The following ZBTB16 variants were observed in gnomAD, a reference collection of about 807,000 sequenced individuals.
ZBTB16 encodes the protein zinc finger and BTB domain-containing protein 16.
Under a neutral mutation model 56.8 loss-of-function variants are expected in ZBTB16, and 8 were observed. The ratio of observed to expected loss-of-function variants is 0.14; its 90% confidence interval spans 0.08 to 0.25. The LOEUF is 0.25. Among genes scored for constraint, ZBTB16 ranks in the 10% least tolerant of loss-of-function variants. ZBTB16 has a pLI of 1.00. For missense variants in ZBTB16, 625 were observed against 903.0 expected (o/e 0.69, Z 3.95); for synonymous variants, 363 against 368.5 (o/e 0.98, Z 0.17).
At chr11:114,076,439 T>C (rs1225994370) in intron 2 of ZBTB16, among the ~76,000 whole-genome samples, 3 of 152,254 alleles carry the variant, frequency 2.0e-5, no homozygotes, top group African/African-American at 7.2e-5. Context: ...GGAAAAACTG[T>C]GTACGTCTCA....
chr11:114,109,234 T>C (rs1188397597), intron 2 of ZBTB16, among the ~76,000 whole-genome samples: 1 of 152,250 alleles, frequency 6.6e-6, no homozygotes, highest in African/African-American at 2.4e-5. Flanking sequence ...AATTTTGTCC[T>C]AGCATTATCT....
intron 2 of ZBTB16, among the ~76,000 whole-genome samples, chr11:114,092,940 A>G (rs896805194): frequency 2.0e-5 from 3 of 152,156 alleles, no homozygotes; most frequent in African/African-American, 4.8e-5. Flanking sequence ...GAAATTTTCC[A>G]GAAGAATATT....
intron 2 of ZBTB16, among the ~76,000 whole-genome samples, chr11:114,076,780 T>C (rs1207434258): frequency 1.3e-5 from 2 of 152,166 alleles, no homozygotes; most frequent in East Asian, 3.9e-4. Flanking sequence ...CAGACCTATA[T>C]AGGGCCCATG....
chr11:114,142,771 TG>T (rs1555143004), intron 2 of ZBTB16, among the ~76,000 whole-genome samples: 3 of 150,746 alleles, frequency 2.0e-5, no homozygotes, highest in Non-Finnish European at 4.4e-5. Context: ...GAGGGGGAGC[TG>T]GGGGGATTGT....
At chr11:114,103,010 ATT>A (rs1940668374) in intron 2 of ZBTB16, among the ~76,000 whole-genome samples, 1 of 152,216 alleles carries the variant, frequency 6.6e-6, no homozygotes, top group Non-Finnish European at 1.5e-5. Context: ...TGCTGGGAAC[ATT>A]AAAAGAACCT....
At chr11:114,158,984 T>TATTG (rs1942501235) in intron 3 of ZBTB16, among the ~76,000 whole-genome samples, 2 of 152,246 alleles carry the variant, frequency 1.3e-5, no homozygotes, top group South Asian at 4.1e-4. Context: ...CCCTGGCTCG[T>TATTG]ATTGTATCCC....
chr11:114,063,232 GCCCA>G lies in ZBTB16; in HGVS notation c.-64_-61del. ...CTAGCCTCCTCTATTGGCCCAGGAAGCCCACCCAGCCCCGCCACGCAGAGCCCAG... is the reference window on the plus strand; with the variant it reads ...CTAGCCTCCTCTATTGGCCCAGGAAGCCCAGCCCCGCCACGCAGAGCCCAG... On this transcript the variant is annotated 5_prime_UTR_variant, in exon 2 of 7. Transcript: ENST00000335953. This position sits in a 1 kb window ranked among gnomAD's most constrained non-coding sequence, Gnocchi z 6.5. 1 of 1,571,778 alleles carries G rather than the reference GCCCA, an allele frequency of 6.4e-7. No homozygotes were observed. The highest frequency in any genetic ancestry group is 2.3e-5 in the East Asian group (1 of 43,646).
rs148707856 is a variant in ZBTB16 at position 114,092,806 on chromosome 11, A to C, written c.1268+28238A>C. 6.0e-3 allele frequency among the ~76,000 whole-genome samples: 909 copies of C among 152,198 alleles called. 9 individuals are homozygous for C. Among genetic ancestry groups the C allele is most frequent in the African/African-American group, 0.021 (875 of 41,520 alleles). ...CTGGTCAGGCCATGGTCCTTTTATG[A>C]GTCTGAAGAGCCAAAATGAAGACCT... On this transcript the variant is annotated intron_variant, in intron 2 of 6. Coordinates refer to ENST00000335953, the MANE Select transcript of ZBTB16 (RefSeq NM_006006.6).
intron 2 of ZBTB16, among the ~76,000 whole-genome samples, chr11:114,134,624 A>G (rs896483989): frequency 6.6e-6 from 1 of 152,232 alleles, no homozygotes; most frequent in African/African-American, 2.4e-5. Flanking sequence ...TAGCACAGTT[A>G]AAATTTAGGG....
chr11:114,077,340 G>C (rs972897149), intron 2 of ZBTB16, among the ~76,000 whole-genome samples: 8 of 152,088 alleles, frequency 5.3e-5, no homozygotes, highest in Non-Finnish European at 8.8e-5. Context: ...TAAATAATGA[G>C]AAGGGTTTGA....
intron 4 of ZBTB16, among the ~76,000 whole-genome samples, chr11:114,235,642 C>CTT (rs1450166532): frequency 4.7e-5 from 1 of 21,286 alleles, no homozygotes; most frequent in Non-Finnish European, 1.4e-4. Flanking sequence ...TTCTTTCTTT[C>CTT]TTTCTTTCTT....
chr11:114,176,379 C>G (rs1309413508), intron 3 of ZBTB16, among the ~76,000 whole-genome samples: 1 of 152,162 alleles, frequency 6.6e-6, no homozygotes, highest in Non-Finnish European at 1.5e-5. Context: ...TTAAACAAAA[C>G]AAAGTTATGA....
At chr11:114,074,320 C>T (rs1049847929) in intron 2 of ZBTB16, among the ~76,000 whole-genome samples, 3 of 152,188 alleles carry the variant, frequency 2.0e-5, no homozygotes, top group Non-Finnish European at 2.9e-5. Flanking sequence ...GCAGATGTGG[C>T]CGACCATAAT....
chr11:114,157,901 G>A (rs796943133), intron 3 of ZBTB16, among the ~76,000 whole-genome samples: 8 of 152,076 alleles, frequency 5.3e-5, no homozygotes, highest in African/African-American at 1.9e-4. Flanking sequence ...CCTGCCCCTG[G>A]CTCCACTGAA....
chr11:114,066,439 A>G (rs1273975921), intron 2 of ZBTB16, among the ~76,000 whole-genome samples: 4 of 152,154 alleles, frequency 2.6e-5, no homozygotes, highest in African/African-American at 9.7e-5. Context: ...CCGCTCCCCA[A>G]AGTTGACCAG....
intron 2 of ZBTB16, among the ~76,000 whole-genome samples, chr11:114,084,203 C>G (rs2852800): frequency 0.66 from 100,012 of 151,908 alleles, 33,636 homozygotes; most frequent in Non-Finnish European, 0.73. Flanking sequence ...TTTTTGGTGG[C>G]AGTAGGGGAT....
At chr11:114,140,529 G>T (rs1941918527) in intron 2 of ZBTB16, among the ~76,000 whole-genome samples, 1 of 152,224 alleles carries the variant, frequency 6.6e-6, no homozygotes, top group African/African-American at 2.4e-5. Context: ...TGTTGAGTTG[G>T]TAGCCAGTGC....
At chr11:114,065,945 C>T (rs1271223219) in intron 2 of ZBTB16, among the ~76,000 whole-genome samples, 1 of 151,960 alleles carries the variant, frequency 6.6e-6, no homozygotes, top group Non-Finnish European at 1.5e-5. Context: ...GGATAAGTAG[C>T]GAGTTTGTTT....
In ZBTB16 at chr11:114,254,182, G is replaced by GAT. The variant is rs144303191; in HGVS notation, c.*3641_*3642dup. Among the ~76,000 whole-genome samples, 175 of 149,586 alleles carry GAT rather than the reference G, an allele frequency of 1.2e-3. 2 individuals are homozygous for GAT. Among genetic ancestry groups the GAT allele is most frequent in the South Asian group, 2.1e-3 (10 of 4,750 alleles). ...GGATAGACAAATATATAGATATATA[G>GAT]ATATATATATATATAGCAAGAGATT... On this transcript the variant is annotated 3_prime_UTR_variant, in exon 7 of 7. Transcript: ENST00000335953.
Sources: gnomAD v4.1 joint callset for allele counts (sites outside exome capture counted in the v4.1 genomes callset) on GRCh38, gnomAD v4.1.1 for gene constraint, Gnocchi (gnomAD v3.1) non-coding constraint, MANE v1.5 for transcripts, NCBI Gene and HGNC (gene_info 2026-07-23, HGNC 2026-07-21) for gene names.